ARHGAP36: variants seen among roughly 807,000 people sequenced by gnomAD.
The protein encoded by ARHGAP36 is Rho GTPase activating protein 36, also known as rho GTPase-activating protein 36.
In ARHGAP36, 7 loss-of-function variants were observed where a neutral mutation model predicts 32.9. The observed-to-expected ratio is 0.21, with a 90% confidence interval of 0.12 to 0.40. The LOEUF is 0.40. ARHGAP36 is among the 10% of genes least tolerant of loss of function. ARHGAP36 has a pLI of 1.00. For synonymous variants in ARHGAP36, 165 were observed against 168.3 expected (o/e 0.98, Z 0.15); for missense variants, 383 against 442.2 (o/e 0.87, Z 1.20).
intron 1 of ARHGAP36, among the ~76,000 whole-genome samples, chrX:131,075,842 AG>A (rs2079760877): frequency 9.0e-6 from 1 of 111,466 alleles, no homozygotes; most frequent in Non-Finnish European, 1.9e-5. Context: ...GGAAAGGGCA[AG>A]GCTTGAGTTG....
At chrX:131,064,787 C>G (rs1407220377) in intron 1 of ARHGAP36, among the ~76,000 whole-genome samples, 1 of 111,503 alleles carries the variant, frequency 9.0e-6, no homozygotes, top group African/African-American at 3.3e-5. Context: ...AAGGGCTTTA[C>G]TCTCATGGGG....
chrX:131,076,914 A>G (rs1169357667), intron 1 of ARHGAP36, among the ~76,000 whole-genome samples: 1 of 112,051 alleles, frequency 8.9e-6, no homozygotes, highest in Non-Finnish European at 1.9e-5. Flanking sequence ...ATATATTTTA[A>G]CAGTAATATT....
At chrX:131,075,623 A>ATG (rs5903808) in intron 1 of ARHGAP36, among the ~76,000 whole-genome samples, 12,398 of 97,987 alleles carry the variant, frequency 0.13, 666 homozygotes, top group Middle Eastern at 0.16. Context: ...GTGTATATAT[A>ATG]TGTGTGTGTG....
rs1377565654 is a variant in ARHGAP36, at chrX:131,085,016, G to T, written c.907G>T (p.Asp303Tyr). Residue 303 changes from aspartate (D) to tyrosine (Y), a missense_variant, in exon 7 of 12, where the codon GAT becomes TAT. By Grantham distance (160) the Asp-to-Tyr change is radical. This residue lies in a region of ARHGAP36 where 227 missense variants were observed against 311.3 expected (regional missense o/e 0.73). Transcript: ENST00000276211. ...LLKEFFRDMK[D>Y]SLLPDDLYMS... ...CAAGGAGTTTTTCCGTGACATGAAGGATTCTCTGCTGCCAGATGATCTGTA... is the reference window on the plus strand; with the variant it reads ...CAAGGAGTTTTTCCGTGACATGAAGTATTCTCTGCTGCCAGATGATCTGTA... 1 of 1,211,456 alleles carries T rather than the reference G, an allele frequency of 8.3e-7. No homozygotes were observed. Among genetic ancestry groups the T allele is most frequent in the Non-Finnish European group, 1.1e-6 (1 of 895,528 alleles).
At chrX:131,069,592 G>C (rs903914420) in intron 1 of ARHGAP36, among the ~76,000 whole-genome samples, 9 of 111,783 alleles carry the variant, frequency 8.1e-5, no homozygotes, top group Non-Finnish European at 1.5e-4. Context: ...TGGCAGGGGG[G>C]ACATGGCCAC....
At chrX:131,064,767 C>T (rs772345348) in intron 1 of ARHGAP36, among the ~76,000 whole-genome samples, 1 of 111,084 alleles carries the variant, frequency 9.0e-6, no homozygotes, top group Admixed American at 9.5e-5. Flanking sequence ...AAACAAAAGC[C>T]CTGATTTTCA....
Position 131,088,893 on chromosome X carries a change from G to A in ARHGAP36, c.*108G>A. On this transcript the variant is annotated 3_prime_UTR_variant, in exon 12 of 12. Transcript: ENST00000276211. Reference sequence around the variant, plus strand: ...GTTGAAGGTAAAGATCTGAAGGTAAGAAGGAGTTCCACCTGATGCTCGGGT... The same window carrying A: ...GTTGAAGGTAAAGATCTGAAGGTAAAAAGGAGTTCCACCTGATGCTCGGGT... 2 of 1,050,269 alleles carry A rather than the reference G, an allele frequency of 1.9e-6. No individual in the cohort carries two copies. Among genetic ancestry groups the A allele is most frequent in the Non-Finnish European group, 2.5e-6 (2 of 793,980 alleles). The allele number at this position is 1,050,269 out of a possible 1,213,427, so 86.6% of individuals were successfully genotyped here.
At chrX:131,079,562 G>GT (rs11417328) in intron 1 of ARHGAP36, among the ~76,000 whole-genome samples, 44,219 of 92,848 alleles carry the variant, frequency 0.48, 8,403 homozygotes, top group Middle Eastern at 0.59. Flanking sequence ...TTTGTTTTTT[G>GT]TTTTTTTTTT....
intron 1 of ARHGAP36, among the ~76,000 whole-genome samples, chrX:131,068,557 C>T (rs988861636): frequency 9.0e-6 from 1 of 110,780 alleles, no homozygotes; most frequent in Non-Finnish European, 1.9e-5. Context: ...ACTGTCGACC[C>T]CGCCGGAGGC....
At chrX:131,085,478 G>C (rs2079829819) in intron 7 of ARHGAP36, 110 bp from the exon 8 acceptor site, 1 of 963,044 alleles carries the variant, frequency 1.0e-6, no homozygotes, top group East Asian at 3.1e-5. Flanking sequence ...AGATGCCTGG[G>C]TACTTTCTCC....
intron 7 of ARHGAP36, among the ~76,000 whole-genome samples, 181 bp from the exon 8 acceptor site, chrX:131,085,407 T>TG (rs774095066): frequency 7.4e-4 from 81 of 108,925 alleles, no homozygotes; most frequent in African/African-American, 2.3e-3. Context: ...CTGGTTTTTA[T>TG]GGGGGCACTT....
intron 1 of ARHGAP36, among the ~76,000 whole-genome samples, chrX:131,066,964 A>G (rs1408314282): frequency 1.8e-5 from 2 of 112,028 alleles, no homozygotes; most frequent in Admixed American, 1.9e-4. Flanking sequence ...CTTGCTACAT[A>G]CCAGGTATTC....
intron 1 of ARHGAP36, among the ~76,000 whole-genome samples, chrX:131,060,568 ACT>A (rs2079663422): frequency 8.9e-6 from 1 of 112,094 alleles, no homozygotes; most frequent in African/African-American, 3.2e-5. Context: ...AACGAAAGCT[ACT>A]CTTTTTCCTT....
In ARHGAP36 at chrX:131,058,360, C is replaced by A; in HGVS notation, c.-227C>A. ...CGGGGGACGACGCAAAGGTTAACTG[C>A]GAGCTGCCGGGCACTCAGCGCGGGT... On this transcript the variant is annotated 5_prime_UTR_variant, in exon 1 of 12. Coordinates refer to ENST00000276211, the MANE Select transcript of ARHGAP36 (RefSeq NM_144967.4). 3 of 1,125,558 alleles carry A rather than the reference C, an allele frequency of 2.7e-6. No individual in the cohort carries two copies. The highest frequency in any genetic ancestry group is 3.5e-6 in the Non-Finnish European group (3 of 852,974). The allele number at this position is 1,125,558 out of a possible 1,213,427, so 92.8% of individuals were successfully genotyped here.
intron 1 of ARHGAP36, among the ~76,000 whole-genome samples, chrX:131,075,599 A>G (rs1390634878): frequency 1.1e-5 from 1 of 89,166 alleles, no homozygotes; most frequent in Non-Finnish European, 2.2e-5. Context: ...ACACACACAC[A>G]CGCATATATA....
intron 1 of ARHGAP36, among the ~76,000 whole-genome samples, chrX:131,078,509 T>C (rs1469232103): frequency 8.9e-6 from 1 of 112,342 alleles, no homozygotes; most frequent in Non-Finnish European, 1.9e-5. Context: ...GAAAACACTT[T>C]GGAGCAAGAG....
At chrX:131,069,181 G>A (rs1260560201) in intron 1 of ARHGAP36, among the ~76,000 whole-genome samples, 1 of 112,498 alleles carries the variant, frequency 8.9e-6, no homozygotes, top group Non-Finnish European at 1.9e-5. Context: ...CGGACTATGC[G>A]AGTGGTGGCG....
At chrX:131,085,869 A>G in intron 8 of ARHGAP36, 44 bp from the exon 9 acceptor site, 1 of 1,195,826 alleles carries the variant, frequency 8.4e-7, no homozygotes, top group Non-Finnish European at 1.1e-6. Context: ...TACAACTCCC[A>G]GTACTACCTC....
intron 2 of ARHGAP36, 34 bp downstream of exon 2, chrX:131,081,952 T>C (rs775228634): frequency 3.3e-6 from 4 of 1,199,748 alleles, no homozygotes; most frequent in Non-Finnish European, 4.5e-6. Context: ...CATCCTCGCC[T>C]TCGGGAGAGT....
Sources: allele counts gnomAD v4.1 joint callset (sites outside exome capture counted in the v4.1 genomes callset), GRCh38; gene constraint gnomAD v4.1.1; regional missense constraint gnomAD v4.1.1; transcripts MANE v1.5; gene names NCBI Gene and HGNC (gene_info 2026-07-23, HGNC 2026-07-21).